Variants in EML6 observed in about 807,000 individuals in gnomAD.
The protein encoded by EML6 is EMAP like 6, also known as echinoderm microtubule-associated protein-like 6.
In EML6, 154 loss-of-function variants were observed where a neutral mutation model predicts 240.1. The ratio of observed to expected loss-of-function variants is 0.64; its 90% CI spans 0.56 to 0.73. The LOEUF (loss-of-function observed/expected upper bound fraction) is 0.73, where lower values mean the gene tolerates loss of function less well. Among genes scored for constraint, EML6 ranks in the 30% least tolerant of loss-of-function variants. The pLI, the probability that EML6 is intolerant of heterozygous loss-of-function variation, is 0.00. For missense variants in EML6, 2,964 were observed against 2,474.6 expected (o/e 1.20, Z -4.20); for synonymous variants, 1,148 against 899.0 (o/e 1.28, Z -4.95).
chr2:54,771,627 C>T (rs1668405399), intron 2 of EML6, among the ~76,000 whole-genome samples: 3 of 152,224 alleles, frequency 2.0e-5, no homozygotes. Context: ...TGGTAGCTAT[C>T]ACATATGTGT....
chr2:54,860,970 T>C (rs1238172921), intron 12 of EML6, among the ~76,000 whole-genome samples: 1 of 152,198 alleles, frequency 6.6e-6, no homozygotes, highest in Non-Finnish European at 1.5e-5. Context: ...TGGTCTTAAA[T>C]GGGTTTACAA....
chr2:54,853,936 G>C (rs1670231172), intron 11 of EML6, 81 bp downstream of exon 11: 1 of 806,834 alleles, frequency 1.2e-6, no homozygotes, highest in Non-Finnish European at 1.9e-6. Flanking sequence ...TCTTCCTGCT[G>C]TCTATTCCAA....
intron 5 of EML6, among the ~76,000 whole-genome samples, chr2:54,827,200 TC>T (rs1668638900): frequency 1.3e-5 from 2 of 152,170 alleles, no homozygotes; most frequent in African/African-American, 4.8e-5. Context: ...TCTAAACCTT[TC>T]TACAATAAAC....
At chr2:54,934,032 C>T (rs543800261) in intron 28 of EML6, among the ~76,000 whole-genome samples, 3 of 152,230 alleles carry the variant, frequency 2.0e-5, no homozygotes, top group Non-Finnish European at 4.4e-5. Context: ...ACGCAGTGAT[C>T]ACTGGTCCAT....
intron 4 of EML6, 111 bp from the exon 5 acceptor site, chr2:54,820,283 G>A: frequency 1.5e-6 from 1 of 669,266 alleles, no homozygotes; most frequent in African/African-American, 1.8e-5. Flanking sequence ...TTCTGTGCAG[G>A]TAACATTGTG....
chr2:54,945,283 T>C (rs1456070033), intron 28 of EML6, among the ~76,000 whole-genome samples: 1 of 24,480 alleles, frequency 4.1e-5, no homozygotes, highest in Non-Finnish European at 7.7e-5. Context: ...CCTCTCTCTC[T>C]GCCTCCCCCT....
At chr2:54,814,391 G>C (rs1410234537) in intron 3 of EML6, among the ~76,000 whole-genome samples, 1 of 152,028 alleles carries the variant, frequency 6.6e-6, no homozygotes, top group Non-Finnish European at 1.5e-5. Flanking sequence ...AGCAACACTG[G>C]GCAGAAAAGA....
chr2:54,829,007 T>G (rs1208879863), intron 6 of EML6, among the ~76,000 whole-genome samples: 1 of 152,244 alleles, frequency 6.6e-6, no homozygotes, highest in African/African-American at 2.4e-5. Context: ...CCTCCATAGT[T>G]GTCTTTTCTC....
At chr2:54,965,380 C>T (rs969459836) in intron 38 of EML6, among the ~76,000 whole-genome samples, 3 of 152,176 alleles carry the variant, frequency 2.0e-5, no homozygotes, top group African/African-American at 7.2e-5. Context: ...TTTAGATGGA[C>T]AAAATGAGAC....
intron 4 of EML6, 61 bp downstream of exon 4, chr2:54,816,946 C>T (rs561575160): frequency 3.7e-5 from 36 of 984,504 alleles, no homozygotes; most frequent in South Asian, 2.1e-4. Context: ...TGTGATATCG[C>T]GTCTCAGACT....
intron 26 of EML6, among the ~76,000 whole-genome samples, chr2:54,921,138 G>C (rs1674228518): frequency 6.6e-6 from 1 of 151,744 alleles, no homozygotes; most frequent in African/African-American, 2.4e-5. Flanking sequence ...AGAGAGAAAA[G>C]GCATCCAGAT....
Position 54,848,685 on chromosome 2 carries a change from TG to T in EML6, c.1187+1063del, listed in dbSNP as rs938247863. Among the ~76,000 whole-genome samples, 36 of 152,328 alleles carry T rather than the reference TG, an allele frequency of 2.4e-4. 1 individual carries two copies. The highest frequency in any genetic ancestry group is 8.7e-4 in the African/African-American group (36 of 41,564). On this transcript the variant is annotated intron_variant, in intron 9 of 41. Coordinates refer to ENST00000356458, the MANE Select transcript of EML6 (RefSeq NM_001039753.4). ...ATGTATTCAGTTTATTTGGAGTTGA[TG>T]AAGCCATCTTTACTGGCTCAGGGGA...
chr2:54,964,026 G>T lies in EML6; in HGVS notation c.5198G>T (p.Cys1733Phe). ...NKVSLGHAAR[C>F]AAYSPDGEMV... ...GTGAGCTTGGGCCATGCGGCCAGGT[G>T]TGCAGCCTACAGCCCTGATGGGGAG... Residue 1733 changes from cysteine to phenylalanine, a missense_variant, in exon 37 of 42, where the codon TGT (cysteine) becomes TTT (phenylalanine). Physicochemically the swap from Cys to Phe is radical, Grantham distance 205. Coordinates refer to ENST00000356458, the MANE Select transcript of EML6 (RefSeq NM_001039753.4). The T allele has an allele frequency of 6.4e-7, 1 of 1,551,724 alleles. No individual in the cohort carries two copies. Among genetic ancestry groups the T allele is most frequent in the Non-Finnish European group, 8.7e-7 (1 of 1,146,990 alleles).
At chr2:54,922,933 C>CTTTTTTTT (rs36078208) in intron 26 of EML6, among the ~76,000 whole-genome samples, 1 of 73,852 alleles carries the variant, frequency 1.4e-5, no homozygotes, top group Non-Finnish European at 2.4e-5. Flanking sequence ...AGGGTATAAA[C>CTTTTTTTT]TTTTTTTTTT....
In EML6 at chr2:54,961,184, G is replaced by GTTGTT; in HGVS notation, c.4968+852_4968+853insGTTTT. Among the ~76,000 whole-genome samples, 63 of 55,416 alleles carry GTTGTT rather than the reference G, an allele frequency of 1.1e-3. 19 individuals are homozygous for GTTGTT. The highest frequency in any genetic ancestry group is 5.7e-3 in the East Asian group (9 of 1,572). The allele number at this position is 55,416 out of a possible 152,430, so 36.4% of individuals were successfully genotyped here. A position where few individuals can be genotyped will look rare whatever the true frequency, so the allele number is the denominator to read the frequency against. The stretch of plus-strand genomic sequence containing the variant: ...GGAGCCTGGAAGTTATCAGGAAGTA[G>GTTGTT]TTTTTTTTTTTTTTTTTTTGAGACG... On this transcript the variant is annotated intron_variant, in intron 35 of 41. Coordinates refer to ENST00000356458, the MANE Select transcript of EML6 (RefSeq NM_001039753.4).
intron 28 of EML6, among the ~76,000 whole-genome samples, chr2:54,939,517 A>G (rs1675317097): frequency 6.6e-6 from 1 of 152,174 alleles, no homozygotes; most frequent in Non-Finnish European, 1.5e-5. Context: ...ATTTCCAAGT[A>G]CCAGTAGCCC....
intron 28 of EML6, among the ~76,000 whole-genome samples, chr2:54,939,590 C>G (rs1432171053): frequency 6.6e-6 from 1 of 152,170 alleles, no homozygotes; most frequent in Non-Finnish European, 1.5e-5. Flanking sequence ...TTTCAATAGC[C>G]CCCACTTGTG....
chr2:54,823,012 G>A (rs1182709764), intron 5 of EML6, among the ~76,000 whole-genome samples: 37 of 152,108 alleles, frequency 2.4e-4, no homozygotes, highest in Admixed American at 2.4e-3. Flanking sequence ...TTTATTAGCA[G>A]CAGCTGGAGG....
At position 54,724,432 on chromosome 2, in the gene EML6, A is replaced by G. The variant is rs1387218743; in HGVS notation, c.-513-117A>G. ...GGAACTGGAGAGAGAAAGCGGGAGT[A>G]GGGGACAATTTTTAAAAATACCCAA... is the stretch of plus-strand genomic sequence containing the variant. On this transcript the variant is annotated intron_variant, in intron 1 of 41. Coordinates refer to ENST00000356458, the MANE Select transcript of EML6 (RefSeq NM_001039753.4). This position sits in a 1 kb window ranked among gnomAD's most constrained non-coding sequence, Gnocchi z 5.2. The G allele has an allele frequency of 6.6e-6, 1 of 152,166 alleles. No individual in the cohort carries two copies. Among genetic ancestry groups the G allele is most frequent in the Non-Finnish European group, 1.5e-5 (1 of 68,004 alleles). 9.4% of individuals were successfully genotyped at this position (152,166 alleles called of 1,614,324 possible).
Sources: allele counts gnomAD v4.1 joint callset (sites outside exome capture counted in the v4.1 genomes callset), GRCh38; gene constraint gnomAD v4.1.1; non-coding constraint Gnocchi (gnomAD v3.1); transcripts MANE v1.5; gene names NCBI Gene and HGNC (gene_info 2026-07-23, HGNC 2026-07-21).